The following STXBP5L variants were observed in gnomAD, a reference collection of about 807,000 sequenced individuals.
STXBP5L encodes syntaxin binding protein 5L.
In STXBP5L, 65 loss-of-function variants were observed where a neutral mutation model predicts 144.5. That is an observed-to-expected ratio of 0.45 (90% CI 0.37 to 0.55). The LOEUF is 0.55. Ranked by LOEUF, STXBP5L falls within the 20% of genes least tolerant of loss-of-function variation. The probability of loss-of-function intolerance (pLI) is 0.00; values close to 1 mark genes in which losing one functional copy is unlikely to be tolerated. For missense variants in STXBP5L, 1,298 were observed against 1,405.5 expected, an observed-to-expected ratio of 0.92 and a Z score of 1.22; for synonymous variants, 505 against 469.6, an observed-to-expected ratio of 1.08 and a Z score of -0.97.
chr3:120,971,539 C>G (rs7624461), intron 3 of STXBP5L, among the ~76,000 whole-genome samples: 14,979 of 151,754 alleles, frequency 0.099, 1,164 homozygotes, highest in Admixed American at 0.2. Flanking sequence ...AGTCATTTCA[C>G]ATCTTAGGAT....
At chr3:121,164,476 T>C (rs963197237) in intron 9 of STXBP5L, among the ~76,000 whole-genome samples, 1 of 152,086 alleles carries the variant, frequency 6.6e-6, no homozygotes, top group Non-Finnish European at 1.5e-5. Flanking sequence ...ACTAATAGGG[T>C]ATGGAGGTTC....
chr3:121,233,820 T>C (rs923265408), intron 12 of STXBP5L, 132 bp downstream of exon 12: 2 of 678,104 alleles, frequency 2.9e-6, no homozygotes, highest in Non-Finnish European at 4.5e-6. Context: ...TGCACTTTGG[T>C]TCAATGGTGA....
intron 22 of STXBP5L, among the ~76,000 whole-genome samples, chr3:121,386,262 T>C (rs2046423942): frequency 1.3e-5 from 2 of 152,310 alleles, no homozygotes; most frequent in East Asian, 1.9e-4. Context: ...TTATTCTATT[T>C]CATATGTTCA....
intron 7 of STXBP5L, among the ~76,000 whole-genome samples, chr3:121,124,356 TG>T (rs1259265517): frequency 6.6e-6 from 1 of 152,012 alleles, no homozygotes; most frequent in Non-Finnish European, 1.5e-5. Flanking sequence ...GATTCTCAAT[TG>T]GGATTTTGTT....
intron 20 of STXBP5L, among the ~76,000 whole-genome samples, chr3:121,358,959 CT>C (rs924249120): frequency 6.6e-6 from 1 of 151,388 alleles, no homozygotes; most frequent in African/African-American, 2.4e-5. Flanking sequence ...GATTTTTTTT[CT>C]TTTGAATATG....
At chr3:121,058,962 A>G (rs1446230797) in intron 5 of STXBP5L, among the ~76,000 whole-genome samples, 1 of 151,984 alleles carries the variant, frequency 6.6e-6, no homozygotes, top group Non-Finnish European at 1.5e-5. Context: ...GCTGTGCAGA[A>G]TCTCTTTAGT....
intron 18 of STXBP5L, among the ~76,000 whole-genome samples, chr3:121,277,429 T>C (rs560401455): frequency 5.9e-5 from 9 of 152,196 alleles, no homozygotes; most frequent in Non-Finnish European, 1.3e-4. Flanking sequence ...CTATAATGTC[T>C]AATGTGCAGA....
Position 121,239,054 on chromosome 3 carries a change from C to T in STXBP5L, c.1268C>T (p.Pro423Leu), listed in dbSNP as rs367712321. The change falls in exon 13 of 27, where the codon CCG becomes CTG. Residue 423 changes from proline to leucine, a missense_variant. Pro to Leu is a moderately conservative substitution (Grantham distance 98, BLOSUM62 -3). Coordinates refer to ENST00000471454, the MANE Select transcript of STXBP5L (RefSeq NM_001308330.2). Reference sequence around the variant, plus strand: ...ACAGCATACTTTGCAGATTGTCCTCCGGATTTGATTCTAGTACTGTATTCT... The same window carrying T: ...ACAGCATACTTTGCAGATTGTCCTCTGGATTTGATTCTAGTACTGTATTCT... ...TCTAYFADCP[P>L]DLILVLYSIG... 4.0e-5 allele frequency: 65 copies of T among 1,609,202 alleles called. No homozygotes were observed. Among genetic ancestry groups the T allele is most frequent in the Admixed American group, 6.7e-5 (4 of 59,342 alleles).
intron 3 of STXBP5L, among the ~76,000 whole-genome samples, chr3:120,957,511 T>C (rs1169337015): frequency 6.6e-6 from 1 of 152,080 alleles, no homozygotes; most frequent in Non-Finnish European, 1.5e-5. Flanking sequence ...TGTTCTTTTT[T>C]GTTCTGTCTT....
chr3:121,178,802 C>A lies in STXBP5L; in HGVS notation c.877+21175C>A, dbSNP rs201787297. On this transcript the variant is annotated intron_variant, in intron 9 of 26. Transcript: ENST00000471454. ...CAGCTCAAGCCCAGGGAAGCCATCC[C>A]TGACTATATCTTACAGGCACCCTGA... is the stretch of plus-strand genomic sequence containing the variant. 5.3e-5 allele frequency among the ~76,000 whole-genome samples: 8 copies of A among 152,290 alleles called. No individual in the cohort carries two copies. In the East Asian group the frequency reaches 1.5e-3, roughly 29 times the overall value.
chr3:121,105,781 T>A (rs1338332851), intron 5 of STXBP5L, among the ~76,000 whole-genome samples: 2 of 152,208 alleles, frequency 1.3e-5, no homozygotes, highest in Non-Finnish European at 2.9e-5. Context: ...ATTTTGAGGT[T>A]ATTTTATTTC....
At chr3:120,949,546 C>A (rs1711067352) in intron 2 of STXBP5L, among the ~76,000 whole-genome samples, 1 of 151,836 alleles carries the variant, frequency 6.6e-6, no homozygotes, top group Admixed American at 6.6e-5. Context: ...TTTATGGTTT[C>A]AGGTTTTAGA....
Position 121,414,234 on chromosome 3 carries a change from G to A in STXBP5L, c.3114+911G>A, listed in dbSNP as rs1279587332. 3.3e-5 allele frequency among the ~76,000 whole-genome samples: 5 copies of A among 152,116 alleles called. No homozygotes were observed. In the East Asian group the frequency reaches 9.6e-4, roughly 29 times the overall value. On this transcript the variant is annotated intron_variant, in intron 24 of 26. Transcript: ENST00000471454. ...ATAAGATACAAGTCCCTGCCTGCTA[G>A]TGTGGAGAGACAGAAGTAAACACAA...
chr3:120,915,802 A>G (rs1408192531), intron 2 of STXBP5L, among the ~76,000 whole-genome samples: 1 of 152,144 alleles, frequency 6.6e-6, no homozygotes, highest in Non-Finnish European at 1.5e-5. Flanking sequence ...AAAAATAGAA[A>G]TAACATTTAA....
intron 10 of STXBP5L, among the ~76,000 whole-genome samples, chr3:121,221,542 A>G (rs563564247): frequency 6.6e-6 from 1 of 151,692 alleles, no homozygotes; most frequent in Non-Finnish European, 1.5e-5. Context: ...TTTGCAAAAC[A>G]GAGCAAAAAA....
intron 2 of STXBP5L, among the ~76,000 whole-genome samples, chr3:120,922,959 T>C (rs1408072770): frequency 6.6e-6 from 1 of 151,964 alleles, no homozygotes; most frequent in Non-Finnish European, 1.5e-5. Context: ...TTAGGTAGAA[T>C]TCATCAATGA....
In STXBP5L at chr3:121,239,100, A is replaced by G. The variant is rs771803301; in HGVS notation, c.1314A>G (p.Lys438=). 1.9e-6 allele frequency: 3 copies of G among 1,576,106 alleles called. No homozygotes were observed. Among genetic ancestry groups the G allele is most frequent in the Admixed American group, 1.8e-5 (1 of 55,070 alleles). ...VLYSIGVKHK[K]QGYSNKEWPI... is the part of the protein sequence containing the mutation. ...ATTCTATAGGAGTCAAGCATAAAAA[A>G]CAAGGATACAGTAATAAGGTAAAAG... The change falls in exon 13 of 27, where the codon AAA becomes AAG. Residue 438 remains lysine, a synonymous_variant. Transcript: ENST00000471454.
chr3:120,959,062 G>C (rs1354815230), intron 3 of STXBP5L, among the ~76,000 whole-genome samples: 3 of 152,090 alleles, frequency 2.0e-5, no homozygotes, highest in Non-Finnish European at 2.9e-5. Context: ...CAAAGTCTCA[G>C]GATACAAAAT....
chr3:121,157,419 C>A (rs1182627034), intron 8 of STXBP5L, 85 bp from the exon 9 acceptor site: 8 of 1,317,860 alleles, frequency 6.1e-6, no homozygotes, highest in Non-Finnish European at 7.0e-6. Context: ...AATTTTATAT[C>A]AGAATAGTTT....
Sources: gnomAD v4.1 joint callset for allele counts (sites outside exome capture counted in the v4.1 genomes callset) on GRCh38, gnomAD v4.1.1 for gene constraint, MANE v1.5 for transcripts, NCBI Gene and HGNC (gene_info 2026-07-23, HGNC 2026-07-21) for gene names.